Variants in CMTM8 observed in about 807,000 individuals in gnomAD.
The protein encoded by CMTM8 is CKLF like MARVEL transmembrane domain containing 8.
In CMTM8, 12 loss-of-function variants were observed where a neutral mutation model predicts 18.6. The ratio of observed to expected loss-of-function variants is 0.65; its 90% confidence interval spans 0.41 to 1.05. CMTM8 has a LOEUF of 1.05. Ranked by LOEUF, CMTM8 falls within the 50% of genes least tolerant of loss-of-function variation. The pLI, the probability that CMTM8 is intolerant of heterozygous loss-of-function variation, is 0.00. For synonymous variants in CMTM8, 87 were observed against 90.6 expected, an observed-to-expected ratio of 0.96 and a Z score of 0.23; for missense variants, 217 against 227.2, an observed-to-expected ratio of 0.95 and a Z score of 0.29.
intron 1 of CMTM8, among the ~76,000 whole-genome samples, chr3:32,303,729 C>T (rs906768163): frequency 2.0e-5 from 3 of 152,076 alleles, no homozygotes; most frequent in African/African-American, 7.2e-5. Context: ...CATTTGCCAG[C>T]TCACATTTTT....
intron 1 of CMTM8, among the ~76,000 whole-genome samples, chr3:32,323,438 G>A (rs1228770014): frequency 6.6e-6 from 1 of 152,162 alleles, no homozygotes; most frequent in Non-Finnish European, 1.5e-5. Flanking sequence ...TTTTTTTCAA[G>A]TTAATGTGGG....
intron 1 of CMTM8, among the ~76,000 whole-genome samples, chr3:32,244,847 A>G (rs1168012365): frequency 6.6e-6 from 1 of 152,198 alleles, no homozygotes; most frequent in East Asian, 1.9e-4. Context: ...TGTTGGGCTA[A>G]AGGGTATATA....
intron 1 of CMTM8, among the ~76,000 whole-genome samples, chr3:32,300,983 AT>A (rs1406094825): frequency 6.6e-6 from 1 of 151,966 alleles, no homozygotes; most frequent in Non-Finnish European, 1.5e-5. Context: ...AAATCTTTTA[AT>A]TTTTTTCAAC....
chr3:32,328,346 G>C (rs1476939380), intron 1 of CMTM8, among the ~76,000 whole-genome samples: 1 of 139,816 alleles, frequency 7.2e-6, no homozygotes, highest in African/African-American at 2.6e-5. Context: ...CTCCAGCCTG[G>C]GTGATGGAGT....
intron 1 of CMTM8, among the ~76,000 whole-genome samples, chr3:32,320,052 A>G (rs754825438): frequency 1.3e-5 from 2 of 152,240 alleles, no homozygotes; most frequent in African/African-American, 2.4e-5. Flanking sequence ...TCTATGATCT[A>G]AAAATCTAAA....
chr3:32,271,542 TTGAG>T (rs1414989169), intron 1 of CMTM8, among the ~76,000 whole-genome samples: 2 of 152,214 alleles, frequency 1.3e-5, no homozygotes, highest in Admixed American at 1.3e-4. Context: ...CCATTCATCA[TTGAG>T]TGTTTTTTCC....
At chr3:32,262,731 G>GGAAA (rs1449369877) in intron 1 of CMTM8, among the ~76,000 whole-genome samples, 1 of 152,196 alleles carries the variant, frequency 6.6e-6, no homozygotes, top group Non-Finnish European at 1.5e-5. Flanking sequence ...CTGTCTCAGA[G>GGAAA]GAAAATATTA....
At chr3:32,357,304 C>A in intron 1 of CMTM8, 69 bp from the exon 2 acceptor site, 12 of 800,144 alleles carry the variant, frequency 1.5e-5, no homozygotes, top group South Asian at 4.3e-5. Flanking sequence ...TTTTCTTTGT[C>A]CCTCCTTCCT....
Position 32,369,985 on chromosome 3 carries a change from T to C in CMTM8, c.*18T>C. 6.8e-7 allele frequency: 1 copy of C among 1,462,256 alleles called. No individual in the cohort carries two copies. The highest frequency in any genetic ancestry group is 9.4e-7 in the Non-Finnish European group (1 of 1,064,920). The allele number at this position is 1,462,256 out of a possible 1,614,324, so 90.6% of individuals were successfully genotyped here. On this transcript the variant is annotated 3_prime_UTR_variant, in exon 4 of 4. Coordinates refer to ENST00000307526, the MANE Select transcript of CMTM8 (RefSeq NM_178868.5). ...TACAGTGATTTACCATTTTGATAAT[T>C]AAAAGGAAAAAAAAAGGAAGACTCT...
chr3:32,351,735 T>G (rs1696713687), intron 1 of CMTM8, among the ~76,000 whole-genome samples: 1 of 150,350 alleles, frequency 6.7e-6, no homozygotes, highest in Non-Finnish European at 1.5e-5. Context: ...ATGTAAAAAC[T>G]TAAAACTTCC....
intron 3 of CMTM8, among the ~76,000 whole-genome samples, chr3:32,368,456 A>ATTT (rs10594471): frequency 7.0e-5 from 9 of 128,132 alleles, no homozygotes; most frequent in Non-Finnish European, 9.8e-5. Flanking sequence ...AGAAACTTCT[A>ATTT]TTTTTTTTTT....
At chr3:32,303,182 G>A (rs933426923) in intron 1 of CMTM8, among the ~76,000 whole-genome samples, 1 of 152,208 alleles carries the variant, frequency 6.6e-6, no homozygotes, top group Admixed American at 6.5e-5. Flanking sequence ...GTCTTCTTAA[G>A]TTGCTGATAG....
chr3:32,242,853 A>C (rs1353818452), intron 1 of CMTM8, among the ~76,000 whole-genome samples: 3 of 150,052 alleles, frequency 2.0e-5, no homozygotes, highest in Non-Finnish European at 3.0e-5. Context: ...TTAGTAAACA[A>C]AATACAATTT....
intron 1 of CMTM8, among the ~76,000 whole-genome samples, chr3:32,336,072 G>GTGGATTC (rs1457756132): frequency 3.9e-5 from 6 of 152,234 alleles, no homozygotes; most frequent in Non-Finnish European, 1.5e-5. Context: ...GGCGTCTTTG[G>GTGGATTC]TGGAGGCAAG....
chr3:32,290,832 A>C (rs1379074095), intron 1 of CMTM8, among the ~76,000 whole-genome samples: 1 of 152,258 alleles, frequency 6.6e-6, no homozygotes, highest in East Asian at 1.9e-4. Flanking sequence ...GGTTAGACCA[A>C]GTGCAGGCCA....
intron 1 of CMTM8, among the ~76,000 whole-genome samples, chr3:32,315,412 G>A (rs1247232347): frequency 6.6e-6 from 1 of 152,188 alleles, no homozygotes; most frequent in East Asian, 1.9e-4. Flanking sequence ...TTACAGGTGT[G>A]AGCTACCACG....
chr3:32,240,332 C>T (rs1701931216), intron 1 of CMTM8, among the ~76,000 whole-genome samples: 2 of 152,140 alleles, frequency 1.3e-5, no homozygotes, highest in African/African-American at 4.8e-5. Flanking sequence ...GTTCCCTCAG[C>T]GAGTATTGAG....
At position 32,357,528 on chromosome 3, in the gene CMTM8, G is replaced by A; in HGVS notation, c.303G>A (p.Gln101=). 6.2e-7 allele frequency: 1 copy of A among 1,614,076 alleles called. No individual in the cohort carries two copies. Among genetic ancestry groups the A allele is most frequent in the Non-Finnish European group, 8.5e-7 (1 of 1,180,000 alleles). Reference sequence around the variant, plus strand: ...CAATGACCTACACCAGGATTCCCCAGGTGCCCTGGACAACAGTGGTAAGGA... The same window carrying A: ...CAATGACCTACACCAGGATTCCCCAAGTGCCCTGGACAACAGTGGTAAGGA... ...YITMTYTRIP[Q]VPWTTVGLCF... The change falls in exon 2 of 4, where the codon CAG becomes CAA. Residue 101 remains glutamine, a synonymous_variant. Transcript: ENST00000307526.
At chr3:32,312,856 G>A (rs142567047) in intron 1 of CMTM8, among the ~76,000 whole-genome samples, 1 of 151,818 alleles carries the variant, frequency 6.6e-6, no homozygotes, top group East Asian at 1.9e-4. Context: ...GTTGAAAGGG[G>A]CTTGTTATTA....
Sources: allele counts gnomAD v4.1 joint callset (sites outside exome capture counted in the v4.1 genomes callset), GRCh38; gene constraint gnomAD v4.1.1; transcripts MANE v1.5; gene names NCBI Gene and HGNC (gene_info 2026-07-23, HGNC 2026-07-21).